The following ZNF264 variants were observed in gnomAD, a reference collection of about 807,000 sequenced individuals.
ZNF264 encodes the protein zinc finger protein 264.
In ZNF264, 11 loss-of-function variants were observed where a neutral mutation model predicts 11.2. The ratio of observed to expected loss-of-function variants is 0.98; its 90% confidence interval spans 0.62 to 1.63. The LOEUF is 1.63. Among genes scored for constraint, ZNF264 ranks in the 40% most tolerant of loss-of-function variants. The probability of loss-of-function intolerance (pLI) is 0.00; values close to 1 mark genes in which losing one functional copy is unlikely to be tolerated. For synonymous variants in ZNF264, 309 were observed against 279.8 expected (o/e 1.10, Z -1.04); for missense variants, 752 against 768.1 (o/e 0.98, Z 0.25).
intron 2 of ZNF264, among the ~76,000 whole-genome samples, chr19:57,204,801 C>T (rs1156506824): frequency 2.0e-5 from 3 of 152,126 alleles, no homozygotes; most frequent in Admixed American, 6.5e-5. Context: ...AGATCACTGT[C>T]GTTGGCATAC....
At chr19:57,200,373 A>G (rs1001191587) in intron 2 of ZNF264, among the ~76,000 whole-genome samples, 1 of 150,530 alleles carries the variant, frequency 6.6e-6, no homozygotes, top group Non-Finnish European at 1.5e-5. Context: ...TGGGAGGCCA[A>G]GATGGGAGGA....
chr19:57,194,858 C>T, intron 2 of ZNF264: 1 of 399,994 alleles, frequency 2.5e-6, no homozygotes, highest in Non-Finnish European at 4.4e-6. Context: ...GCACACTGAG[C>T]ATTGAATACT....
rs201041839 is a variant in ZNF264, at chr19:57,208,227, C to T, written c.256+2735C>T. The stretch of plus-strand genomic sequence containing the variant: ...TGATATATTTATATATTCATTGATA[C>T]ATTCATTTACTATGTGGGCATTTAA... On this transcript the variant is annotated intron_variant, in intron 3 of 3. Transcript: ENST00000263095. 4.6e-5 allele frequency among the ~76,000 whole-genome samples: 7 copies of T among 152,306 alleles called. No individual in the cohort carries two copies. In the East Asian group the frequency reaches 5.8e-4, roughly 13 times the overall value.
intron 2 of ZNF264, among the ~76,000 whole-genome samples, chr19:57,201,932 C>T (rs2087256275): frequency 6.6e-6 from 1 of 151,740 alleles, no homozygotes; most frequent in African/African-American, 2.4e-5. Flanking sequence ...TATCTATGGG[C>T]CAAGTGTGGT....
rs1445399876 is a variant in ZNF264, at chr19:57,212,734, A to G, written c.1637A>G (p.Lys546Arg). ...CCCTATAAATGTAGTGAATGTGGAA[A>G]GGCCTTCAGTCGCAGCTCGTCCCTC... The part of the protein sequence containing the change: ...EKPYKCSECG[K>R]AFSRSSSLTQ... The change falls in exon 4 of 4, where the codon AAG (lysine) becomes AGG (arginine). Residue 546 changes from lysine to arginine, a missense_variant. Physicochemically the swap from Lys to Arg is conservative, Grantham distance 26. Transcript: ENST00000263095. The G allele has an allele frequency of 1.2e-6, 2 of 1,614,094 alleles. No individual in the cohort carries two copies. The highest frequency in any genetic ancestry group is 1.3e-5 in the African/African-American group (1 of 74,942).
At chr19:57,201,387 A>C (rs1487105006) in intron 2 of ZNF264, among the ~76,000 whole-genome samples, 1 of 151,922 alleles carries the variant, frequency 6.6e-6, no homozygotes, top group Admixed American at 6.6e-5. Context: ...TCCCAAGTGT[A>C]ATCAGTCCCC....
Position 57,213,127 on chromosome 19 carries a change from A to G in ZNF264, c.*146A>G, listed in dbSNP as rs2122768893. The G allele has an allele frequency of 2.9e-6, 2 of 689,598 alleles. No individual in the cohort carries two copies. Among genetic ancestry groups the G allele is most frequent in the East Asian group, 2.8e-5 (1 of 36,058 alleles). 42.7% of individuals were successfully genotyped at this position (689,598 alleles called of 1,614,324 possible). A position where few individuals can be genotyped will look rare whatever the true frequency, so the allele number is the denominator to read the frequency against. On this transcript the variant is annotated 3_prime_UTR_variant, in exon 4 of 4. Transcript: ENST00000263095. ...TGCACATAGGAGAACCTTCAGCTGCATCTTTCTCCTTAGTTTACAGTGCAA... is the reference window on the plus strand; with the variant it reads ...TGCACATAGGAGAACCTTCAGCTGCGTCTTTCTCCTTAGTTTACAGTGCAA...
intron 2 of ZNF264, 114 bp from the exon 3 acceptor site, chr19:57,205,283 C>A: frequency 1.1e-6 from 1 of 948,574 alleles, no homozygotes; most frequent in Non-Finnish European, 1.6e-6. Context: ...TTCCCATGCA[C>A]AGGAGCAGCT....
chr19:57,206,023 C>T (rs767289729), intron 3 of ZNF264, among the ~76,000 whole-genome samples: 5 of 152,178 alleles, frequency 3.3e-5, no homozygotes, highest in Admixed American at 6.5e-5. Context: ...ATTATCCTAA[C>T]GTCCTCGAGC....
At position 57,213,806 on chromosome 19, in the gene ZNF264, CTT is replaced by C. The variant is rs2087359686; in HGVS notation, c.*827_*828del. The C allele has an allele frequency of 1.3e-5, 2 of 152,106 alleles. No individual in the cohort carries two copies. The highest frequency in any genetic ancestry group is 1.9e-4 in the East Asian group (1 of 5,194). 9.4% of individuals were successfully genotyped at this position (152,106 alleles called of 1,614,324 possible). A position where few individuals can be genotyped will look rare whatever the true frequency, so the allele number is the denominator to read the frequency against. On this transcript the variant is annotated 3_prime_UTR_variant, in exon 4 of 4. Coordinates refer to ENST00000263095, the MANE Select transcript of ZNF264 (RefSeq NM_003417.5). ...GGATTAATCTGTTAAGAATTGGTATCTTTACTATGTTGGGTCTTGTAGTTCAT... is the reference window on the plus strand; with the variant it reads ...GGATTAATCTGTTAAGAATTGGTATCTACTATGTTGGGTCTTGTAGTTCAT...
intron 1 of ZNF264, chr19:57,193,438 C>G (rs2087189593): frequency 1.1e-6 from 1 of 933,232 alleles, no homozygotes. Context: ...TGTCAAGTGT[C>G]AGTTTCAAGT....
intron 3 of ZNF264, among the ~76,000 whole-genome samples, chr19:57,207,812 C>T (rs1276816793): frequency 2.0e-5 from 3 of 151,714 alleles, no homozygotes; most frequent in Non-Finnish European, 2.9e-5. Context: ...CTGCAACCTC[C>T]GCCTCCCAGG....
chr19:57,198,499 CAG>C lies in ZNF264; in HGVS notation c.160+4499_160+4500del, dbSNP rs543729361. On this transcript the variant is annotated intron_variant, in intron 2 of 3. Transcript: ENST00000263095. Reference sequence around the variant, plus strand: ...CCCACCTTAATAGCCTTCACCCTAACAGGGAGCCAGTGTGGGGGTTCTGCCAG... The same window carrying C: ...CCCACCTTAATAGCCTTCACCCTAACGGAGCCAGTGTGGGGGTTCTGCCAG... 2.0e-3 allele frequency among the ~76,000 whole-genome samples: 308 copies of C among 152,020 alleles called. 6 individuals carry two copies. The highest frequency in any genetic ancestry group is 7.0e-3 in the African/African-American group (290 of 41,296).
At chr19:57,202,206 T>C (rs1467674440) in intron 2 of ZNF264, among the ~76,000 whole-genome samples, 1 of 151,556 alleles carries the variant, frequency 6.6e-6, no homozygotes, top group Non-Finnish European at 1.5e-5. Flanking sequence ...TGAGACCCTG[T>C]CTCAAAAAAA....
At chr19:57,195,921 T>G (rs2087208532) in intron 2 of ZNF264, among the ~76,000 whole-genome samples, 2 of 151,822 alleles carry the variant, frequency 1.3e-5, no homozygotes, top group Admixed American at 6.6e-5. Flanking sequence ...ATTTTGCTAG[T>G]TGATCACTAG....
In ZNF264 at chr19:57,218,098, CCTT is replaced by C. The variant is rs1231817918; in HGVS notation, c.*5120_*5122del. The C allele has an allele frequency of 6.6e-6, 1 of 152,126 alleles. No individual in the cohort carries two copies. Among genetic ancestry groups the C allele is most frequent in the African/African-American group, 2.4e-5 (1 of 41,426 alleles). The allele number at this position is 152,126 out of a possible 1,614,324, so 9.4% of individuals were successfully genotyped here. A position where few individuals can be genotyped will look rare whatever the true frequency, so the allele number is the denominator to read the frequency against. On this transcript the variant is annotated 3_prime_UTR_variant, in exon 4 of 4. Transcript: ENST00000263095. ...CATTCTTCTTTCTTGAAATCCCAAA[CCTT>C]CTATTAACATTTCTTTTCAGTTATA... is the stretch of plus-strand genomic sequence containing the variant.
intron 2 of ZNF264, 167 bp downstream of exon 2, chr19:57,194,168 A>G: frequency 1.1e-6 from 1 of 950,124 alleles, no homozygotes; most frequent in Non-Finnish European, 1.5e-6. Flanking sequence ...GGTCTCCTAT[A>G]TCTCTGGGCT....
chr19:57,194,148 C>T, intron 2 of ZNF264, 147 bp downstream of exon 2: 1 of 1,156,038 alleles, frequency 8.7e-7, no homozygotes, highest in African/African-American at 1.6e-5. Flanking sequence ...ACAGTAACCT[C>T]TTCCTATCTG....
chr19:57,193,631 C>A, intron 1 of ZNF264: 1 of 824,346 alleles, frequency 1.2e-6, no homozygotes, highest in Non-Finnish European at 1.5e-6. Flanking sequence ...TCACAGTCCA[C>A]AAGTTGTTTC....
Sources: allele counts gnomAD v4.1 joint callset (sites outside exome capture counted in the v4.1 genomes callset), GRCh38; gene constraint gnomAD v4.1.1; transcripts MANE v1.5; gene names NCBI Gene and HGNC (gene_info 2026-07-23, HGNC 2026-07-21).